The following FHAD1 variants were observed in gnomAD, a reference collection of about 807,000 sequenced individuals.
FHAD1 encodes forkhead-associated domain-containing protein 1.
A neutral mutation model predicts 191.3 loss-of-function variants in FHAD1; 146 were observed. That is an observed-to-expected ratio of 0.76 (90% CI 0.67 to 0.88). The LOEUF is 0.88. FHAD1 is among the 40% of genes least tolerant of loss of function. The probability of loss-of-function intolerance (pLI) is 0.00; values close to 1 mark genes in which losing one functional copy is unlikely to be tolerated. For missense variants in FHAD1, 1,635 were observed against 1,785.8 expected, an observed-to-expected ratio of 0.92 and a Z score of 1.52; for synonymous variants, 616 against 672.3, an observed-to-expected ratio of 0.92 and a Z score of 1.29.
chr1:15,299,045 A>C (rs1004755596), intron 5 of FHAD1, among the ~76,000 whole-genome samples: 1 of 151,390 alleles, frequency 6.6e-6, no homozygotes, highest in Non-Finnish European at 1.5e-5. Context: ...AACAACAACA[A>C]AAAAACGAGC....
chr1:15,295,255 T>C (rs1419565158), intron 4 of FHAD1, among the ~76,000 whole-genome samples: 1 of 152,178 alleles, frequency 6.6e-6, no homozygotes, highest in Non-Finnish European at 1.5e-5. Context: ...ATGAATGTCA[T>C]GTCACTAGTT....
chr1:15,267,212 C>G (rs1324223797), intron 2 of FHAD1, among the ~76,000 whole-genome samples: 1 of 152,132 alleles, frequency 6.6e-6, no homozygotes, highest in Non-Finnish European at 1.5e-5. Context: ...GAATATATCT[C>G]CCCATTTTTT....
intron 4 of FHAD1, among the ~76,000 whole-genome samples, chr1:15,295,704 G>A (rs1285507302): frequency 6.6e-6 from 1 of 152,166 alleles, no homozygotes; most frequent in Admixed American, 6.5e-5. Context: ...CTCCACAAAT[G>A]TGGAACCCAC....
chr1:15,284,747 G>C (rs972870305), intron 3 of FHAD1, among the ~76,000 whole-genome samples: 1 of 152,158 alleles, frequency 6.6e-6, no homozygotes. Flanking sequence ...GTACATTACT[G>C]GTTGGGTGTT....
At chr1:15,263,970 A>C (rs1204075266) in intron 2 of FHAD1, among the ~76,000 whole-genome samples, 1 of 152,178 alleles carries the variant, frequency 6.6e-6, no homozygotes, top group African/African-American at 2.4e-5. Flanking sequence ...GGGGCTTTCT[A>C]ATCTGTTTCA....
rs920322031 is a variant in FHAD1 at position 15,276,917 on chromosome 1, T to C, written c.300+4388T>C. Among the ~76,000 whole-genome samples the C allele has an allele frequency of 6.9e-6, 1 of 145,562 alleles. No homozygotes were observed. The highest frequency in any genetic ancestry group is 1.5e-5 in the Non-Finnish European group (1 of 65,296). The stretch of plus-strand genomic sequence containing the variant: ...GCATAACCTACAGGGCCATTTGCGA[T>C]GCCCTGAAGCAACTGTTGAGTAGTA... On this transcript the variant is annotated intron_variant, in intron 3 of 33. Transcript: ENST00000688493. This position sits in a 1 kb window ranked among gnomAD's most constrained non-coding sequence, Gnocchi z 4.7.
At position 15,381,173 on chromosome 1, in the gene FHAD1, A is replaced by G; in HGVS notation, c.3802-58A>G. On this transcript the variant is annotated intron_variant, in intron 29 of 33. Transcript: ENST00000688493. This position sits in a 1 kb window ranked among gnomAD's most constrained non-coding sequence, Gnocchi z 4.6. ...AACAGAATTAGACATTGGCCTCCTT[A>G]AAGCGGCCACCAGCGGCCGCGGGTA... 1 of 1,197,546 alleles carries G rather than the reference A, an allele frequency of 8.4e-7. No individual in the cohort carries two copies. The highest frequency in any genetic ancestry group is 1.2e-6 in the Non-Finnish European group (1 of 832,656). The allele number at this position is 1,197,546 out of a possible 1,614,324, so 74.2% of individuals were successfully genotyped here.
At chr1:15,238,527 G>A (rs1007747404) in intron 1 of FHAD1, among the ~76,000 whole-genome samples, 2 of 152,186 alleles carry the variant, frequency 1.3e-5, no homozygotes, top group Non-Finnish European at 2.9e-5. Flanking sequence ...GCCAAGCAGT[G>A]GCTAGATGTG....
At position 15,289,003 on chromosome 1, in the gene FHAD1, G is replaced by A. The variant is rs1166383071; in HGVS notation, c.301-396G>A. ...ATTGTTTTTTTGTTTGTTTATTTTT[G>A]AGACAGAGTCTCATTCTGTCGCCCA... On this transcript the variant is annotated intron_variant, in intron 3 of 33. Transcript: ENST00000688493. This position sits in a 1 kb window ranked among gnomAD's most constrained non-coding sequence, Gnocchi z 4.2. Among the ~76,000 whole-genome samples, 1 of 152,094 alleles carries A rather than the reference G, an allele frequency of 6.6e-6. No individual in the cohort carries two copies. The highest frequency in any genetic ancestry group is 1.5e-5 in the Non-Finnish European group (1 of 68,010).
At chr1:15,265,417 C>T (rs1652962666) in intron 2 of FHAD1, among the ~76,000 whole-genome samples, 1 of 152,192 alleles carries the variant, frequency 6.6e-6, no homozygotes, top group African/African-American at 2.4e-5. Flanking sequence ...CCTATGTTGG[C>T]AGCAGAGCTT....
chr1:15,237,979 G>A (rs765172128), intron 1 of FHAD1, among the ~76,000 whole-genome samples: 4 of 152,126 alleles, frequency 2.6e-5, no homozygotes, highest in African/African-American at 4.8e-5. Context: ...GGCCAGGCGC[G>A]GTGGCTCATG....
rs186869708 is a variant in FHAD1 at position 15,297,726 on chromosome 1, G to A, written c.678+933G>A. ...TGCAACTGCAGTCAGCCGGTGGCGT[G>A]GCAGGGGCTGATGGTCTCAGAAGTC... On this transcript the variant is annotated intron_variant, in intron 5 of 33. Transcript: ENST00000688493. 8.5e-5 allele frequency among the ~76,000 whole-genome samples: 13 copies of A among 152,294 alleles called. No homozygotes were observed. In the East Asian group the frequency reaches 2.3e-3, roughly 27 times the overall value.
chr1:15,332,657 T>A (rs1682200588), intron 14 of FHAD1, among the ~76,000 whole-genome samples: 1 of 152,214 alleles, frequency 6.6e-6, no homozygotes, highest in African/African-American at 2.4e-5. Context: ...ATTTCAAGGC[T>A]GCAGTGAGCT....
chr1:15,319,177 A>G (rs970967377), intron 10 of FHAD1, among the ~76,000 whole-genome samples: 32 of 152,184 alleles, frequency 2.1e-4, no homozygotes, highest in African/African-American at 7.5e-4. Flanking sequence ...GAGGAATTCT[A>G]TGTGAAGGGA....
Position 15,360,675 on chromosome 1 carries a change from G to A in FHAD1, c.2934G>A (p.Glu978=). ...AGCACCATAAAAAAATAGAAGGCGA[G>A]ATTGCAACATTGAAGGACAATGACC... ...VTQHHKKIEG[E]IATLKDNDPA... is the part of the protein sequence containing the mutation. The change falls in exon 22 of 34, where the codon GAG becomes GAA. Residue 978 remains glutamate, a synonymous_variant. Transcript: ENST00000688493. The A allele has an allele frequency of 6.4e-7, 1 of 1,551,776 alleles. No individual in the cohort carries two copies. The highest frequency in any genetic ancestry group is 2.4e-5 in the East Asian group (1 of 40,928).
At chr1:15,300,511 G>T (rs1424278623) in intron 5 of FHAD1, among the ~76,000 whole-genome samples, 1 of 152,208 alleles carries the variant, frequency 6.6e-6, no homozygotes, top group Non-Finnish European at 1.5e-5. Flanking sequence ...GTTGAATAGA[G>T]TCATTTCCTT....
intron 4 of FHAD1, among the ~76,000 whole-genome samples, chr1:15,290,801 T>C (rs368320871): frequency 6.6e-6 from 1 of 152,012 alleles, no homozygotes; most frequent in Non-Finnish European, 1.5e-5. Context: ...CTCCGCCTTC[T>C]GGGTTCACGC....
chr1:15,367,423 G>A lies in FHAD1; in HGVS notation c.3155-40G>A, dbSNP rs1321723423. On this transcript the variant is annotated intron_variant, in intron 24 of 33. Coordinates refer to ENST00000688493, the MANE Select transcript of FHAD1 (RefSeq NM_001391957.1). ...AGGCAGGAGAATCACTTGAACCCGG[G>A]AGGCAGAGACCCCCTTACCGGCCCT... 6 of 1,540,028 alleles carry A rather than the reference G, an allele frequency of 3.9e-6. No homozygotes were observed. The South Asian group carries it at 6.0e-5, about 15-fold the overall frequency.
intron 23 of FHAD1, among the ~76,000 whole-genome samples, chr1:15,363,296 G>C (rs1695402475): frequency 6.6e-6 from 1 of 152,192 alleles, no homozygotes; most frequent in African/African-American, 2.4e-5. Flanking sequence ...TAACTCAGTA[G>C]TCCACAAATC....
Sources: allele counts gnomAD v4.1 joint callset (sites outside exome capture counted in the v4.1 genomes callset), GRCh38; gene constraint gnomAD v4.1.1; non-coding constraint Gnocchi (gnomAD v3.1); transcripts MANE v1.5; gene names NCBI Gene and HGNC (gene_info 2026-07-23, HGNC 2026-07-21).